Variants in GPC5 observed in about 807,000 individuals in gnomAD.
GPC5 encodes glypican-5.
A neutral mutation model predicts 53.9 loss-of-function variants in GPC5; 47 were observed. The ratio of observed to expected loss-of-function variants is 0.87; its 90% CI spans 0.69 to 1.11. The LOEUF (loss-of-function observed/expected upper bound fraction) is 1.11, where lower values mean the gene tolerates loss of function less well. GPC5 is among the 50% of genes most tolerant of loss of function. The pLI is 0.00. For synonymous variants in GPC5, 286 were observed against 263.3 expected, an observed-to-expected ratio of 1.09 and a Z score of -0.84; for missense variants, 748 against 713.1, an observed-to-expected ratio of 1.05 and a Z score of -0.56.
chr13:91,573,397 G>A (rs944840753), intron 2 of GPC5, among the ~76,000 whole-genome samples: 2 of 152,084 alleles, frequency 1.3e-5, no homozygotes, highest in African/African-American at 4.8e-5. Flanking sequence ...TAGTCATTAC[G>A]CTAATTCAGA....
intron 6 of GPC5, among the ~76,000 whole-genome samples, chr13:91,940,956 T>G (rs1038171751): frequency 6.6e-6 from 1 of 152,298 alleles, no homozygotes; most frequent in South Asian, 2.1e-4. Flanking sequence ...TTTACTCTGT[T>G]GATAGTTTCT....
intron 6 of GPC5, among the ~76,000 whole-genome samples, chr13:92,125,796 CAT>C (rs1320508729): frequency 4.6e-5 from 7 of 151,828 alleles, no homozygotes; most frequent in South Asian, 2.1e-4. Flanking sequence ...AAAGTAGTAT[CAT>C]GTGAAAATTT....
chr13:91,643,604 A>G (rs1286063898), intron 2 of GPC5, among the ~76,000 whole-genome samples: 1 of 152,236 alleles, frequency 6.6e-6, no homozygotes, highest in Admixed American at 6.5e-5. Flanking sequence ...GGCAGCTTAA[A>G]CAATAGAAAT....
intron 3 of GPC5, among the ~76,000 whole-genome samples, chr13:91,726,430 C>A (rs1268624015): frequency 2.0e-5 from 3 of 152,180 alleles, no homozygotes; most frequent in Non-Finnish European, 4.4e-5. Context: ...TTTTGAGCAA[C>A]CATCAGGAGC....
intron 6 of GPC5, among the ~76,000 whole-genome samples, chr13:92,053,997 A>G (rs1018287212): frequency 6.6e-6 from 1 of 151,690 alleles, no homozygotes; most frequent in Non-Finnish European, 1.5e-5. Context: ...GCGCCACTGC[A>G]CTCCAGCCTG....
intron 4 of GPC5, among the ~76,000 whole-genome samples, chr13:91,738,531 GC>G: frequency 6.6e-6 from 1 of 151,284 alleles, no homozygotes; most frequent in East Asian, 1.9e-4. Flanking sequence ...CCTGAAGGTA[GC>G]TGGGCTTAAG....
At chr13:91,822,618 C>G (rs945620309) in intron 5 of GPC5, among the ~76,000 whole-genome samples, 3 of 152,056 alleles carry the variant, frequency 2.0e-5, no homozygotes, top group African/African-American at 7.2e-5. Context: ...ATCATGAAAA[C>G]AGCACAGGAA....
intron 7 of GPC5, among the ~76,000 whole-genome samples, chr13:92,723,130 C>A (rs148640055): frequency 6.6e-6 from 1 of 151,396 alleles, no homozygotes; most frequent in African/African-American, 2.4e-5. Flanking sequence ...TGAGATAATA[C>A]CTACCTTGAG....
intron 7 of GPC5, among the ~76,000 whole-genome samples, chr13:92,361,742 A>G (rs1324667357): frequency 1.3e-5 from 2 of 151,704 alleles, no homozygotes; most frequent in Admixed American, 1.3e-4. Flanking sequence ...ATAATTTATC[A>G]ATAAACAGAA....
chr13:92,522,258 C>T (rs1229638192), intron 7 of GPC5, among the ~76,000 whole-genome samples: 4 of 152,090 alleles, frequency 2.6e-5, no homozygotes, highest in African/African-American at 4.8e-5. Flanking sequence ...CCCAGCCATC[C>T]CATTGCTGGA....
chr13:91,643,300 C>G (rs1200825432), intron 2 of GPC5, among the ~76,000 whole-genome samples: 2 of 152,020 alleles, frequency 1.3e-5, no homozygotes, highest in African/African-American at 4.8e-5. Flanking sequence ...TGAAAGAGCA[C>G]AAGTTCTGTA....
intron 2 of GPC5, among the ~76,000 whole-genome samples, chr13:91,646,551 A>T (rs554063835): frequency 1.3e-5 from 2 of 152,130 alleles, no homozygotes; most frequent in African/African-American, 4.8e-5. Flanking sequence ...AAAATGAAAT[A>T]AAGAACTGCA....
intron 7 of GPC5, among the ~76,000 whole-genome samples, chr13:92,376,754 G>A (rs886834248): frequency 2.0e-5 from 3 of 151,990 alleles, no homozygotes; most frequent in South Asian, 4.2e-4. Context: ...AGTGGCTCAC[G>A]CCTGTAATCC....
At chr13:92,015,738 T>G (rs2040701001) in intron 6 of GPC5, among the ~76,000 whole-genome samples, 1 of 152,204 alleles carries the variant, frequency 6.6e-6, no homozygotes, top group Non-Finnish European at 1.5e-5. Flanking sequence ...TCAATCTCCA[T>G]CTATCCCACA....
intron 7 of GPC5, among the ~76,000 whole-genome samples, chr13:92,740,899 TATATA>T (rs1566394347): frequency 0.01 from 263 of 25,584 alleles, no homozygotes; most frequent in African/African-American, 0.084. Context: ...TATTTATTTA[TATATA>T]TATATATATA....
intron 1 of GPC5, among the ~76,000 whole-genome samples, chr13:91,401,705 C>T (rs7998725): frequency 0.098 from 14,969 of 152,176 alleles, 1,852 homozygotes; most frequent in African/African-American, 0.29. Context: ...TTTCTTCCTA[C>T]CTTTGTGACT....
rs559005505 is a variant in GPC5, at chr13:92,563,936, T to A, written c.1562-302346T>A. 1.1e-4 allele frequency among the ~76,000 whole-genome samples: 16 copies of A among 152,096 alleles called. 1 individual carries two copies. The highest frequency in any genetic ancestry group is 3.6e-4 in the African/African-American group (15 of 41,540). ...GAACAGTTTGGGGTGATCTTCATCA[T>A]CATCCATTAATTACTCATCAACGTT... is the stretch of plus-strand genomic sequence containing the variant. On this transcript the variant is annotated intron_variant, in intron 7 of 7. Coordinates refer to ENST00000377067, the MANE Select transcript of GPC5 (RefSeq NM_004466.6).
chr13:91,888,795 C>T (rs1229266205), intron 5 of GPC5, among the ~76,000 whole-genome samples: 1 of 152,014 alleles, frequency 6.6e-6, no homozygotes, highest in Non-Finnish European at 1.5e-5. Flanking sequence ...TAATCCTTCT[C>T]AATAGAGAAG....
At chr13:92,554,751 ATT>A (rs1348881655) in intron 7 of GPC5, among the ~76,000 whole-genome samples, 6 of 150,988 alleles carry the variant, frequency 4.0e-5, no homozygotes, top group Non-Finnish European at 8.9e-5. Context: ...ATTAATATGT[ATT>A]TGAAAATTTG....
Sources: gnomAD v4.1 joint callset for allele counts (sites outside exome capture counted in the v4.1 genomes callset) on GRCh38, gnomAD v4.1.1 for gene constraint, MANE v1.5 for transcripts, NCBI Gene and HGNC (gene_info 2026-07-23, HGNC 2026-07-21) for gene names.